Variants in IQCM observed in about 807,000 individuals in gnomAD.
The protein encoded by IQCM is IQ domain-containing protein M.
IQCM carries 45 observed loss-of-function variants against 57.6 expected under a neutral mutation model. The ratio of observed to expected loss-of-function variants is 0.78; its 90% CI spans 0.62 to 1.00. IQCM has a LOEUF of 1.00. Ranked by LOEUF, IQCM falls within the 50% of genes least tolerant of loss-of-function variation. The probability of loss-of-function intolerance (pLI) is 0.00; values close to 1 mark genes in which losing one functional copy is unlikely to be tolerated. For synonymous variants in IQCM, 148 were observed against 158.9 expected (o/e 0.93, Z 0.51); for missense variants, 468 against 511.6 (o/e 0.91, Z 0.82).
chr4:149,569,378 T>G (rs189664137), intron 9 of IQCM, among the ~76,000 whole-genome samples: 69 of 152,270 alleles, frequency 4.5e-4, no homozygotes, highest in African/African-American at 1.5e-3. Flanking sequence ...CCTTGAGGTT[T>G]GTCAATGTCC....
intron 2 of IQCM, among the ~76,000 whole-genome samples, chr4:149,787,674 T>C (rs1441078611): frequency 1.3e-5 from 2 of 152,056 alleles, no homozygotes; most frequent in Admixed American, 1.3e-4. Flanking sequence ...TCTCACCATA[T>C]ACAAAAATCA....
intron 7 of IQCM, among the ~76,000 whole-genome samples, chr4:149,629,322 A>C (rs1381699293): frequency 6.6e-6 from 1 of 152,246 alleles, no homozygotes; most frequent in Non-Finnish European, 1.5e-5. Flanking sequence ...GATTATCCAA[A>C]GAAACAATAA....
At chr4:149,618,954 G>A (rs1756042916) in intron 8 of IQCM, among the ~76,000 whole-genome samples, 1 of 152,008 alleles carries the variant, frequency 6.6e-6, no homozygotes. Context: ...ACTAACTTCA[G>A]TTCAGCAATT....
At chr4:149,555,339 C>T (rs894289242) in intron 10 of IQCM, among the ~76,000 whole-genome samples, 1 of 152,120 alleles carries the variant, frequency 6.6e-6, no homozygotes, top group South Asian at 2.1e-4. Flanking sequence ...GTCAGGTGCT[C>T]ATGACTCATA....
At chr4:149,721,308 T>C (rs188277584) in intron 5 of IQCM, among the ~76,000 whole-genome samples, 36 of 152,260 alleles carry the variant, frequency 2.4e-4, no homozygotes, top group Admixed American at 2.2e-3. Context: ...TTTATTTCAA[T>C]AGCTTTAGGG....
intron 5 of IQCM, among the ~76,000 whole-genome samples, chr4:149,727,913 TAC>T (rs1766098701): frequency 1.3e-5 from 2 of 152,232 alleles, no homozygotes; most frequent in Non-Finnish European, 2.9e-5. Flanking sequence ...GCTGACTGTG[TAC>T]ATCTCTTCCC....
intron 7 of IQCM, among the ~76,000 whole-genome samples, chr4:149,634,580 C>T (rs969316726): frequency 5.3e-5 from 8 of 152,166 alleles, no homozygotes; most frequent in Non-Finnish European, 7.4e-5. Flanking sequence ...CCTTAGTCAA[C>T]ACTTCTTTGC....
chr4:149,435,100 T>C (rs1376008464), intron 12 of IQCM, among the ~76,000 whole-genome samples: 2 of 152,138 alleles, frequency 1.3e-5, no homozygotes, highest in Admixed American at 6.6e-5. Context: ...CTATATCTGC[T>C]CTTGTCAATT....
intron 12 of IQCM, among the ~76,000 whole-genome samples, chr4:149,488,267 G>C (rs1214704278): frequency 6.6e-6 from 1 of 151,976 alleles, no homozygotes; most frequent in African/African-American, 2.4e-5. Context: ...ATATTAATTT[G>C]CCTTACACAT....
intron 12 of IQCM, among the ~76,000 whole-genome samples, chr4:149,508,988 T>C (rs1278856677): frequency 1.3e-5 from 2 of 152,210 alleles, no homozygotes; most frequent in Non-Finnish European, 2.9e-5. Context: ...TCTCTTCTCT[T>C]GTCTGCTGCC....
chr4:149,388,531 TTATATATTATATATAA>T (rs1253972516), intron 13 of IQCM, among the ~76,000 whole-genome samples: 5 of 128,776 alleles, frequency 3.9e-5, no homozygotes, highest in African/African-American at 6.2e-5. Context: ...ATTATATATA[TTATATATTATATATAA>T]TATATATAAT....
intron 12 of IQCM, among the ~76,000 whole-genome samples, chr4:149,483,099 G>A: frequency 6.6e-6 from 1 of 151,682 alleles, no homozygotes; most frequent in East Asian, 1.9e-4. Flanking sequence ...AATTTCTGTG[G>A]TATTAGTTGT....
intron 12 of IQCM, among the ~76,000 whole-genome samples, chr4:149,464,710 T>C (rs987485145): frequency 5.9e-5 from 9 of 152,164 alleles, no homozygotes; most frequent in Admixed American, 5.9e-4. Flanking sequence ...TGATCAGTGC[T>C]ACTCAACAGA....
chr4:149,514,127 C>A (rs1444857513), intron 12 of IQCM, among the ~76,000 whole-genome samples: 1 of 152,060 alleles, frequency 6.6e-6, no homozygotes, highest in Non-Finnish European at 1.5e-5. Context: ...AAACTAACTG[C>A]ATTATAACCA....
At chr4:149,569,919 C>T (rs1231532287) in intron 9 of IQCM, among the ~76,000 whole-genome samples, 2 of 151,992 alleles carry the variant, frequency 1.3e-5, no homozygotes, top group Non-Finnish European at 2.9e-5. Flanking sequence ...TATGAGAAAG[C>T]TTTTTCTTTG....
At chr4:149,702,210 C>T (rs1221965505) in intron 5 of IQCM, among the ~76,000 whole-genome samples, 2 of 151,716 alleles carry the variant, frequency 1.3e-5, no homozygotes, top group Admixed American at 6.6e-5. Flanking sequence ...AATAATGACA[C>T]ACATGTCACC....
At chr4:149,691,745 T>C (rs937413406) in intron 5 of IQCM, 4 of 152,134 alleles carry the variant, frequency 2.6e-5, no homozygotes, top group Non-Finnish European at 5.9e-5. Context: ...CACATCTGAA[T>C]ACACTTGGAA....
At chr4:149,777,209 G>A (rs116143962) in intron 2 of IQCM, among the ~76,000 whole-genome samples, 2,038 of 152,168 alleles carry the variant, frequency 0.013, 40 homozygotes, top group African/African-American at 0.044. Flanking sequence ...CCTCATCTTT[G>A]ACCACTGGCA....
At position 149,766,493 on chromosome 4, in the gene IQCM, C is replaced by A. The variant is rs550995195; in HGVS notation, c.-48-23754G>T. ...AAGCAAGGCTCTGTTCCTGGCTCCCCAGATACCCCTCCCTTGCATTTCAGT... is the reference window on the plus strand; with the variant it reads ...AAGCAAGGCTCTGTTCCTGGCTCCCAAGATACCCCTCCCTTGCATTTCAGT... On this transcript the variant is annotated intron_variant, in intron 2 of 13. Transcript: ENST00000636793. Among the ~76,000 whole-genome samples the A allele has an allele frequency of 2.2e-4, 34 of 152,188 alleles. No homozygotes were observed. In the South Asian group the frequency reaches 7.0e-3, roughly 32 times the overall value.
Sources: gnomAD v4.1 joint callset for allele counts (sites outside exome capture counted in the v4.1 genomes callset) on GRCh38, gnomAD v4.1.1 for gene constraint, MANE v1.5 for transcripts, NCBI Gene and HGNC (gene_info 2026-07-23, HGNC 2026-07-21) for gene names.